The following MYO10 variants were observed in gnomAD, a reference collection of about 807,000 sequenced individuals.
MYO10 encodes the protein unconventional myosin-X.
A neutral mutation model predicts 257.3 loss-of-function variants in MYO10; 133 were observed. The observed-to-expected ratio is 0.52, with a 90% CI of 0.45 to 0.60. The LOEUF is 0.60. MYO10 is among the 20% of genes least tolerant of loss of function. MYO10 has a pLI of 0.00. For missense variants in MYO10, 2,399 were observed against 2,635.7 expected (o/e 0.91, Z 1.97); for synonymous variants, 1,104 against 1,028.6 (o/e 1.07, Z -1.40).
intron 25 of MYO10, among the ~76,000 whole-genome samples, chr5:16,700,348 GAAATA>G (rs902812918): frequency 1.4e-4 from 22 of 152,126 alleles, no homozygotes; most frequent in African/African-American, 9.7e-5. Context: ...AGGGAAGGAA[GAAATA>G]AAATAAAATA....
At chr5:16,887,586 G>A (rs1447751563) in intron 1 of MYO10, among the ~76,000 whole-genome samples, 2 of 152,190 alleles carry the variant, frequency 1.3e-5, no homozygotes, top group Non-Finnish European at 2.9e-5. Context: ...TGCCTTCTGG[G>A]TTCAAGTGAT....
intron 1 of MYO10, among the ~76,000 whole-genome samples, chr5:16,926,466 C>T (rs1481860334): frequency 5.9e-5 from 9 of 152,138 alleles, no homozygotes; most frequent in Non-Finnish European, 8.8e-5. Context: ...CTTCCGGAGG[C>T]CAAGGCTAGT....
intron 38 of MYO10, 131 bp downstream of exon 38, chr5:16,671,291 G>C: frequency 8.8e-7 from 1 of 1,138,350 alleles, no homozygotes; most frequent in Non-Finnish European, 1.2e-6. Flanking sequence ...AAGAGCAGCT[G>C]GTCTTGTCTT....
chr5:16,909,688 ACAT>A (rs1367434010), intron 1 of MYO10, among the ~76,000 whole-genome samples: 1 of 152,092 alleles, frequency 6.6e-6, no homozygotes, highest in East Asian at 1.9e-4. Flanking sequence ...CAGCCAAACC[ACAT>A]CAGACATGAT....
At chr5:16,819,150 A>G (rs116020812) in intron 2 of MYO10, among the ~76,000 whole-genome samples, 30 of 152,326 alleles carry the variant, frequency 2.0e-4, no homozygotes, top group Non-Finnish European at 4.1e-4. Flanking sequence ...GATATATAGC[A>G]TTTGTGTACT....
intron 3 of MYO10, among the ~76,000 whole-genome samples, chr5:16,804,554 T>C (rs1211689401): frequency 1.3e-5 from 2 of 152,162 alleles, no homozygotes; most frequent in East Asian, 1.9e-4. Context: ...ACCATAGTCA[T>C]AGTTCCCAAT....
chr5:16,768,221 A>C (rs569728385), intron 10 of MYO10, among the ~76,000 whole-genome samples: 3 of 152,206 alleles, frequency 2.0e-5, no homozygotes, highest in African/African-American at 7.2e-5. Flanking sequence ...TTAATACATA[A>C]ATCACTCAAG....
intron 19 of MYO10, among the ~76,000 whole-genome samples, chr5:16,747,918 CAAAA>C (rs777257950): frequency 3.3e-5 from 1 of 30,478 alleles, no homozygotes; most frequent in Non-Finnish European, 2.4e-4. Context: ...AACTCCGTCT[CAAAA>C]AAAAAAAAAA....
At position 16,769,043 on chromosome 5, in the gene MYO10, G is replaced by A. The variant is rs751999637; in HGVS notation, c.1060+31C>T. The A allele has an allele frequency of 1.1e-5, 17 of 1,581,988 alleles. No individual in the cohort carries two copies. The East Asian group carries it at 3.9e-4, about 36-fold the overall frequency. The stretch of plus-strand genomic sequence containing the variant: ...TTAAGTTTCCCACGGGGAACAAAGG[G>A]AGCGAGGAGGGCAGGCAGGCATAAT... On this transcript the variant is annotated intron_variant, in intron 10 of 40. Transcript: ENST00000513610.
chr5:16,745,127 G>T (rs1740148906), intron 19 of MYO10, among the ~76,000 whole-genome samples: 1 of 152,060 alleles, frequency 6.6e-6, no homozygotes, highest in South Asian at 2.1e-4. Flanking sequence ...ATCACCTGAG[G>T]TCAGGAGTTT....
intron 12 of MYO10, 37 bp downstream of exon 12, chr5:16,764,213 G>GA: frequency 6.2e-7 from 1 of 1,608,946 alleles, no homozygotes; most frequent in Non-Finnish European, 8.5e-7. Flanking sequence ...ATCATGGACA[G>GA]AAGAGAATTC....
At chr5:16,774,105 C>G (rs1298000574) in intron 9 of MYO10, among the ~76,000 whole-genome samples, 2 of 152,212 alleles carry the variant, frequency 1.3e-5, no homozygotes, top group African/African-American at 2.4e-5. Context: ...AGTATTTCAA[C>G]ACTAGGCTTC....
rs555931512 is a variant in MYO10 at position 16,701,622 on chromosome 5, G to T, written c.2773C>A (p.Gln925Lys). The change falls in exon 25 of 41, where the codon CAG becomes AAG. Residue 925 changes from glutamine to lysine, a missense_variant. Gln to Lys is a moderately conservative substitution (Grantham distance 53, BLOSUM62 1). Transcript: ENST00000513610. The surrounding 1 kb of genome is among the most constrained non-coding windows in gnomAD (Gnocchi z 8.1). The stretch of plus-strand genomic sequence containing the variant: ...TCCTCCTCCAGCCTGCGGAGCTCCT[G>T]GTCCCGCCGCTCCTGCAGCTTCTGC... ...SLQKLQERRDQELRRLEEEAC... is the reference protein window; with the variant it reads ...SLQKLQERRDKELRRLEEEAC... 1.0e-4 allele frequency: 161 copies of T among 1,611,332 alleles called. No homozygotes were observed. In the Admixed American group the frequency reaches 1.1e-3, roughly 11 times the overall value.
rs765450866 is a variant in MYO10 at position 16,739,335 on chromosome 5, TTC to T, written c.1929+15491_1929+15492del. Among the ~76,000 whole-genome samples the T allele has an allele frequency of 3.2e-3, 485 of 149,370 alleles. 5 individuals are homozygous for T. The highest frequency in any genetic ancestry group is 0.011 in the African/African-American group (453 of 41,508). On this transcript the variant is annotated intron_variant, in intron 19 of 40. Coordinates refer to ENST00000513610, the MANE Select transcript of MYO10 (RefSeq NM_012334.3). ...ATTTCACCTTTTGCAAATTTCTTGT[TTC>T]TGTTTTTTACTCGTTTTTCTACTAA...
At chr5:16,766,526 T>G (rs1377850495) in intron 10 of MYO10, among the ~76,000 whole-genome samples, 2 of 151,724 alleles carry the variant, frequency 1.3e-5, no homozygotes, top group African/African-American at 4.8e-5. Context: ...GCCTCCCGGG[T>G]TCACGCCATT....
At chr5:16,915,606 C>T (rs958198305) in intron 1 of MYO10, among the ~76,000 whole-genome samples, 1 of 152,180 alleles carries the variant, frequency 6.6e-6, no homozygotes, top group Non-Finnish European at 1.5e-5. Context: ...GGTGAAGGCA[C>T]GCTGAATTCC....
At chr5:16,703,447 A>G (rs987814895) in intron 22 of MYO10, among the ~76,000 whole-genome samples, 1 of 152,250 alleles carries the variant, frequency 6.6e-6, no homozygotes, top group African/African-American at 2.4e-5. Flanking sequence ...AAGTTGGGTA[A>G]ATAGTTCCCA....
At chr5:16,788,247 G>A (rs182419610) in intron 4 of MYO10, among the ~76,000 whole-genome samples, 162 of 152,276 alleles carry the variant, frequency 1.1e-3, no homozygotes, top group Non-Finnish European at 1.7e-3. Flanking sequence ...GGATTGCTGA[G>A]GGGCCTGGCC....
At chr5:16,727,609 T>A (rs1336344861) in intron 19 of MYO10, among the ~76,000 whole-genome samples, 1 of 152,214 alleles carries the variant, frequency 6.6e-6, no homozygotes, top group Non-Finnish European at 1.5e-5. Context: ...TGTCAAATAA[T>A]CTTTCAAGAT....
Sources: gnomAD v4.1 joint callset for allele counts (sites outside exome capture counted in the v4.1 genomes callset) on GRCh38, gnomAD v4.1.1 for gene constraint, Gnocchi (gnomAD v3.1) non-coding constraint, MANE v1.5 for transcripts, NCBI Gene and HGNC (gene_info 2026-07-23, HGNC 2026-07-21) for gene names.